Variants in DNAJC13 observed in about 807,000 individuals in gnomAD.
DNAJC13 encodes dnaJ homolog subfamily C member 13.
DNAJC13 carries 75 observed loss-of-function variants against 290.5 expected under a neutral mutation model. The ratio of observed to expected loss-of-function variants is 0.26; its 90% confidence interval spans 0.21 to 0.31. The LOEUF (loss-of-function observed/expected upper bound fraction) is 0.31. DNAJC13 is among the 10% of genes least tolerant of loss of function. The pLI, the probability that DNAJC13 is intolerant of heterozygous loss-of-function variation, is 1.00. For synonymous variants in DNAJC13, 862 were observed against 892.0 expected (o/e 0.97, Z 0.60); for missense variants, 2,260 against 2,674.5 (o/e 0.85, Z 3.42).
At chr3:132,435,073 A>G (rs999155962) in intron 2 of DNAJC13, among the ~76,000 whole-genome samples, 1 of 152,176 alleles carries the variant, frequency 6.6e-6, no homozygotes, top group Admixed American at 6.5e-5. Flanking sequence ...TGGGTTTAAT[A>G]TATTTTCTTT....
intron 2 of DNAJC13, among the ~76,000 whole-genome samples, chr3:132,438,571 C>T (rs1932938716): frequency 6.6e-6 from 1 of 152,160 alleles, no homozygotes; most frequent in Admixed American, 6.5e-5. Context: ...CTAGCCCCAG[C>T]ATTTCAGAAA....
intron 36 of DNAJC13, among the ~76,000 whole-genome samples, chr3:132,497,718 G>A: frequency 6.6e-6 from 1 of 152,154 alleles, no homozygotes; most frequent in East Asian, 1.9e-4. Flanking sequence ...TACAGTTATG[G>A]CCCATCCTGG....
At chr3:132,435,912 A>G (rs958037702) in intron 2 of DNAJC13, among the ~76,000 whole-genome samples, 2 of 152,132 alleles carry the variant, frequency 1.3e-5, no homozygotes, top group African/African-American at 4.8e-5. Context: ...ATTTTTGGTA[A>G]TGTTCTTAGA....
intron 48 of DNAJC13, 100 bp from the exon 49 acceptor site, chr3:132,522,728 C>A: frequency 9.8e-7 from 1 of 1,015,938 alleles, no homozygotes; most frequent in Non-Finnish European, 1.4e-6. Flanking sequence ...TAAGTCATAA[C>A]ACAAATTATG....
intron 25 of DNAJC13, 24 bp downstream of exon 25, chr3:132,479,313 A>C (rs1465011038): frequency 2.0e-5 from 30 of 1,469,146 alleles, no homozygotes; most frequent in Non-Finnish European, 2.9e-5. Context: ...GCATACATAC[A>C]TTGTTATTTC....
intron 1 of DNAJC13, among the ~76,000 whole-genome samples, chr3:132,427,559 G>C (rs1939132653): frequency 6.6e-6 from 1 of 152,116 alleles, no homozygotes; most frequent in African/African-American, 2.4e-5. Context: ...AATATATATT[G>C]TTATAGTTAT....
chr3:132,507,690 A>G (rs766604475), intron 43 of DNAJC13, among the ~76,000 whole-genome samples: 2 of 152,180 alleles, frequency 1.3e-5, no homozygotes, highest in East Asian at 1.9e-4. Context: ...AAGTTCATCA[A>G]TAGTGAACTT....
rs777329210 is a variant in DNAJC13 at position 132,462,533 on chromosome 3, C to A, written c.1770+10C>A. 4.4e-6 allele frequency: 7 copies of A among 1,594,632 alleles called. No individual in the cohort carries two copies. The highest frequency in any genetic ancestry group is 2.3e-5 in the East Asian group (1 of 43,922). On this transcript the variant is annotated intron_variant, in intron 16 of 55. Coordinates refer to ENST00000260818, the MANE Select transcript of DNAJC13 (RefSeq NM_015268.4). ...GAAGGCAATAATAGAGGTGAGAGAA[C>A]AATTTTGAAATTTTAACCTTACTTG... is the stretch of plus-strand genomic sequence containing the variant.
intron 1 of DNAJC13, among the ~76,000 whole-genome samples, chr3:132,428,757 C>T (rs72990488): frequency 1.6e-3 from 246 of 152,316 alleles, no homozygotes; most frequent in African/African-American, 5.6e-3. Context: ...TCCCCCCAGA[C>T]GGAGTCCTGC....
At position 132,516,458 on chromosome 3, in the gene DNAJC13, C is replaced by T. The variant is rs1238613239; in HGVS notation, c.5522C>T (p.Thr1841Ile). 1 of 1,613,800 alleles carries T rather than the reference C, an allele frequency of 6.2e-7. No individual in the cohort carries two copies. The highest frequency in any genetic ancestry group is 8.5e-7 in the Non-Finnish European group (1 of 1,179,792). The part of the protein sequence containing the change: ...QLVLETLYAL[T>I]SSTKIIKEAM... Reference sequence around the variant, plus strand: ...GTTCTGGAAACTCTTTATGCTTTGACATCGAGTACAAAAATAATCAAAGAA... The same window carrying T: ...GTTCTGGAAACTCTTTATGCTTTGATATCGAGTACAAAAATAATCAAAGAA... Residue 1841 changes from threonine (T) to isoleucine (I), a missense_variant, in exon 47 of 56, where the codon ACA becomes ATA. Physicochemically the swap from Thr to Ile is moderately conservative, Grantham distance 89 (BLOSUM62 -1). Coordinates refer to ENST00000260818, the MANE Select transcript of DNAJC13 (RefSeq NM_015268.4).
chr3:132,513,479 G>A (rs9883745), intron 45 of DNAJC13, among the ~76,000 whole-genome samples: 65,302 of 151,920 alleles, frequency 0.43, 15,558 homozygotes, highest in East Asian at 0.77. Context: ...CATATCTGTT[G>A]GCTACATACT....
intron 14 of DNAJC13, 125 bp from the exon 15 acceptor site, chr3:132,460,925 T>C (rs533866054): frequency 1.1e-6 from 1 of 906,490 alleles, no homozygotes; most frequent in South Asian, 1.8e-5. Context: ...AACCTCATGT[T>C]GAGAAATTAA....
chr3:132,499,350 C>G, intron 37 of DNAJC13, 40 bp downstream of exon 37: 1 of 1,508,586 alleles, frequency 6.6e-7, no homozygotes, highest in South Asian at 1.3e-5. Context: ...AGCCAGTTTA[C>G]ACACATTATA....
intron 29 of DNAJC13, 103 bp downstream of exon 29, chr3:132,484,775 A>G (rs1267927968): frequency 4.3e-6 from 5 of 1,151,496 alleles, no homozygotes; most frequent in African/African-American, 1.5e-5. Flanking sequence ...CCATTTTCAA[A>G]AAGCCTAAAT....
chr3:132,537,201 C>T (rs1451935242), intron 55 of DNAJC13: 1 of 456,294 alleles, frequency 2.2e-6, no homozygotes, highest in Non-Finnish European at 4.4e-6. Context: ...CCCTTCACCT[C>T]AGGAGCGGGC....
intron 46 of DNAJC13, among the ~76,000 whole-genome samples, chr3:132,515,418 A>G (rs777309677): frequency 6.6e-6 from 1 of 152,166 alleles, no homozygotes; most frequent in Non-Finnish European, 1.5e-5. Context: ...ATGTTTGGTA[A>G]ATTGAGTTGA....
intron 27 of DNAJC13, among the ~76,000 whole-genome samples, chr3:132,483,172 G>A (rs1275036006): frequency 6.6e-6 from 1 of 151,990 alleles, no homozygotes; most frequent in East Asian, 1.9e-4. Context: ...CTGCAGGCTG[G>A]CCAGGTGGTG....
chr3:132,511,774 T>C (rs1429082306), intron 44 of DNAJC13, among the ~76,000 whole-genome samples: 8 of 152,182 alleles, frequency 5.3e-5, no homozygotes, highest in Non-Finnish European at 1.2e-4. Flanking sequence ...GGGAGATGGA[T>C]GAGTGAAAAT....
chr3:132,484,569 G>A lies in DNAJC13; in HGVS notation c.3183-19G>A, dbSNP rs763693400. Reference sequence around the variant, plus strand: ...TTTAACAAATATATTAAATGTTGACGTGAGAAAATGTTTTCTAGGGATCAA... The same window carrying A: ...TTTAACAAATATATTAAATGTTGACATGAGAAAATGTTTTCTAGGGATCAA... On this transcript the variant is annotated intron_variant, in intron 28 of 55. Transcript: ENST00000260818. 20 of 1,607,176 alleles carry A rather than the reference G, an allele frequency of 1.2e-5. No homozygotes were observed. Among genetic ancestry groups the A allele is most frequent in the Admixed American group, 1.7e-5 (1 of 59,944 alleles).
Sources: allele counts gnomAD v4.1 joint callset (sites outside exome capture counted in the v4.1 genomes callset), GRCh38; gene constraint gnomAD v4.1.1; transcripts MANE v1.5; gene names NCBI Gene and HGNC (gene_info 2026-07-23, HGNC 2026-07-21).